The following UTRN variants were observed in gnomAD, a reference collection of about 807,000 sequenced individuals.
The protein encoded by UTRN is utrophin, also known as dystrophin-related protein 1.
UTRN carries 283 observed loss-of-function variants against 463.9 expected under a neutral mutation model. The ratio of observed to expected loss-of-function variants is 0.61; its 90% CI spans 0.55 to 0.67. The LOEUF is 0.67. Among genes scored for constraint, UTRN ranks in the 30% least tolerant of loss-of-function variants. The pLI, the probability that UTRN is intolerant of heterozygous loss-of-function variation, is 0.00. For synonymous variants in UTRN, 1,442 were observed against 1,431.5 expected (o/e 1.01, Z -0.17); for missense variants, 3,922 against 4,084.3 (o/e 0.96, Z 1.08).
intron 9 of UTRN, among the ~76,000 whole-genome samples, chr6:144,432,582 AG>A (rs1785972069): frequency 6.6e-6 from 1 of 152,208 alleles, no homozygotes; most frequent in Admixed American, 6.5e-5. Flanking sequence ...GGGGGAAAAC[AG>A]GAAAGTAAAG....
At chr6:144,542,540 G>A (rs540184553) in intron 45 of UTRN, among the ~76,000 whole-genome samples, 2 of 152,158 alleles carry the variant, frequency 1.3e-5, no homozygotes, top group African/African-American at 2.4e-5. Flanking sequence ...ATTCAAGGGA[G>A]GGGGAGTGGA....
intron 41 of UTRN, among the ~76,000 whole-genome samples, chr6:144,528,361 A>G (rs888164018): frequency 6.6e-6 from 1 of 152,022 alleles, no homozygotes; most frequent in African/African-American, 2.4e-5. Context: ...GGGTATTTTA[A>G]AGAACCTTGT....
At chr6:144,449,180 T>G (rs1342709816) in intron 17 of UTRN, among the ~76,000 whole-genome samples, 2 of 152,214 alleles carry the variant, frequency 1.3e-5, no homozygotes, top group East Asian at 3.8e-4. Context: ...CAGGGGATCC[T>G]TAACCATTCC....
intron 54 of UTRN, among the ~76,000 whole-genome samples, chr6:144,741,200 A>C (rs938473033): frequency 6.6e-6 from 1 of 152,228 alleles, no homozygotes; most frequent in Non-Finnish European, 1.5e-5. Context: ...GTACATAAAC[A>C]TAAGCCATAT....
At chr6:144,615,398 T>TAC (rs1805974223) in intron 51 of UTRN, among the ~76,000 whole-genome samples, 1 of 152,198 alleles carries the variant, frequency 6.6e-6, no homozygotes, top group South Asian at 2.1e-4. Flanking sequence ...TCCACTTGTC[T>TAC]AACTTCAGTT....
chr6:144,604,419 C>T (rs3924657), intron 51 of UTRN, among the ~76,000 whole-genome samples: 22,895 of 151,954 alleles, frequency 0.15, 1,943 homozygotes, highest in South Asian at 0.27. Flanking sequence ...AATTCTAGGC[C>T]GATCTGCAAG....
chr6:144,441,059 T>A (rs566774075), intron 13 of UTRN, among the ~76,000 whole-genome samples: 1 of 152,020 alleles, frequency 6.6e-6, no homozygotes, highest in African/African-American at 2.4e-5. Context: ...ATTGTGGGAG[T>A]TACAATTCAA....
At chr6:144,503,509 C>A (rs1276879241) in intron 34 of UTRN, among the ~76,000 whole-genome samples, 2 of 152,108 alleles carry the variant, frequency 1.3e-5, no homozygotes, top group African/African-American at 4.8e-5. Flanking sequence ...AATAGGGAAT[C>A]CTTTCCCTAT....
At chr6:144,674,866 A>T (rs1781432970) in intron 51 of UTRN, among the ~76,000 whole-genome samples, 1 of 152,108 alleles carries the variant, frequency 6.6e-6, no homozygotes, top group Non-Finnish European at 1.5e-5. Context: ...GCCATGTTTA[A>T]AATTTCTTTA....
At chr6:144,408,395 T>G (rs755576836) in intron 3 of UTRN, among the ~76,000 whole-genome samples, 1 of 152,260 alleles carries the variant, frequency 6.6e-6, no homozygotes, top group Non-Finnish European at 1.5e-5. Context: ...GCATTTTCTT[T>G]GGCTGACTTT....
chr6:144,526,337 A>G (rs1299681861), intron 41 of UTRN, among the ~76,000 whole-genome samples: 1 of 152,174 alleles, frequency 6.6e-6, no homozygotes, highest in Non-Finnish European at 1.5e-5. Context: ...TAGGTCTAGT[A>G]GTAATTGTTT....
chr6:144,591,457 G>C (rs1351993685), intron 51 of UTRN, among the ~76,000 whole-genome samples: 1 of 152,112 alleles, frequency 6.6e-6, no homozygotes, highest in African/African-American at 2.4e-5. Flanking sequence ...TTATAGATTA[G>C]GCTCTGAGAT....
At chr6:144,746,943 A>G (rs1790812269) in intron 54 of UTRN, among the ~76,000 whole-genome samples, 1 of 152,218 alleles carries the variant, frequency 6.6e-6, no homozygotes, top group Admixed American at 6.5e-5. Flanking sequence ...CGGTTGCTAA[A>G]TATCAATGTC....
At chr6:144,533,571 A>G (rs12661566) in intron 43 of UTRN, among the ~76,000 whole-genome samples, 12,982 of 152,180 alleles carry the variant, frequency 0.085, 1,176 homozygotes, top group East Asian at 0.54. Context: ...TCCAGGTTTC[A>G]GGTTTGAAGG....
intron 51 of UTRN, among the ~76,000 whole-genome samples, chr6:144,656,017 G>A (rs747327196): frequency 3.9e-5 from 6 of 152,050 alleles, no homozygotes; most frequent in Non-Finnish European, 7.4e-5. Context: ...GAGTTTTCCT[G>A]TGCTTCTCTG....
intron 52 of UTRN, among the ~76,000 whole-genome samples, chr6:144,686,274 T>C (rs978367037): frequency 6.6e-6 from 1 of 152,194 alleles, no homozygotes; most frequent in African/African-American, 2.4e-5. Flanking sequence ...TGATATAATT[T>C]TGATTTTTAA....
chr6:144,355,478 C>T (rs1321522850), intron 2 of UTRN, among the ~76,000 whole-genome samples: 2 of 152,050 alleles, frequency 1.3e-5, no homozygotes, highest in Non-Finnish European at 2.9e-5. Context: ...GGACTATAGG[C>T]GTTAGCCACC....
chr6:144,826,531 G>T (rs940773936), intron 66 of UTRN, among the ~76,000 whole-genome samples: 2 of 152,106 alleles, frequency 1.3e-5, no homozygotes, highest in African/African-American at 4.8e-5. Context: ...ATTAGGATCA[G>T]TTGTTTTCAA....
intron 5 of UTRN, 87 bp downstream of exon 5, chr6:144,423,713 T>G: frequency 2.1e-6 from 3 of 1,425,450 alleles, no homozygotes; most frequent in Admixed American, 3.5e-5. Flanking sequence ...TGCATTGGCA[T>G]CCACTGATTC....
Sources: gnomAD v4.1 joint callset for allele counts (sites outside exome capture counted in the v4.1 genomes callset) on GRCh38, gnomAD v4.1.1 for gene constraint, MANE v1.5 for transcripts, NCBI Gene and HGNC (gene_info 2026-07-23, HGNC 2026-07-21) for gene names.